The following FAM185A variants were observed in gnomAD, a reference collection of about 807,000 sequenced individuals.
FAM185A encodes family with sequence similarity 185 member A, also known as protein FAM185A.
Under a neutral mutation model 45.7 loss-of-function variants are expected in FAM185A, and 21 were observed. The ratio of observed to expected loss-of-function variants is 0.46; its 90% CI spans 0.33 to 0.66. FAM185A has a LOEUF of 0.66. Ranked by LOEUF, FAM185A falls within the 30% of genes least tolerant of loss-of-function variation. FAM185A has a pLI of 0.03. For synonymous variants in FAM185A, 117 were observed against 194.0 expected, an observed-to-expected ratio of 0.60 and a Z score of 3.30; for missense variants, 305 against 485.4, an observed-to-expected ratio of 0.63 and a Z score of 3.49.
chr7:102,850,105 A>T, the FAM185A span, among the ~76,000 whole-genome samples: 492 of 152,308 alleles, frequency 3.2e-3, 9 homozygotes, highest in African/African-American at 0.012. Context: ...TTTGTAAAAG[A>T]TTAAATTGTT....
chr7:102,814,908 T>C, the FAM185A span, among the ~76,000 whole-genome samples: 1 of 152,216 alleles, frequency 6.6e-6, no homozygotes, highest in Non-Finnish European at 1.5e-5. Flanking sequence ...TATGCAAAAG[T>C]AGTGGGTTTA....
intron 7 of FAM185A, among the ~76,000 whole-genome samples, chr7:102,791,399 C>A (rs1332915799): frequency 6.6e-6 from 1 of 152,238 alleles, no homozygotes; most frequent in Non-Finnish European, 1.5e-5. Context: ...AATAAATAGG[C>A]CTTCAGTAAC....
At position 102,808,369 on chromosome 7, in the gene FAM185A, A is replaced by G. The variant is rs1156645781; in HGVS notation, c.1146A>G (p.Gln382=). ...APKGTVSFRR[Q]SWFQSLKLQD is the part of the protein sequence containing the mutation. ...AAGGCACTGTAAGTTTTAGAAGGCAAAGTTGGTTTCAGTCCCTGAAACTGC... is the reference window on the plus strand; with the variant it reads ...AAGGCACTGTAAGTTTTAGAAGGCAGAGTTGGTTTCAGTCCCTGAAACTGC... The change falls in exon 8 of 8, where the codon CAA becomes CAG. Residue 382 remains glutamine (Q), a synonymous_variant. Transcript: ENST00000413034. 1 of 1,551,574 alleles carries G rather than the reference A, an allele frequency of 6.4e-7. No homozygotes were observed. Among genetic ancestry groups the G allele is most frequent in the Admixed American group, 2.0e-5 (1 of 50,994 alleles).
intron 7 of FAM185A, among the ~76,000 whole-genome samples, chr7:102,788,084 C>G (rs1168698931): frequency 6.6e-6 from 1 of 152,232 alleles, no homozygotes; most frequent in South Asian, 2.1e-4. Flanking sequence ...GTTGCCTCAC[C>G]CTCCTGAGTA....
At chr7:102,839,024 G>A in the FAM185A span, among the ~76,000 whole-genome samples, 1 of 152,224 alleles carries the variant, frequency 6.6e-6, no homozygotes, top group Non-Finnish European at 1.5e-5. Flanking sequence ...CCCTGGAAAC[G>A]GCATGTCTTG....
At chr7:102,812,507 C>A (rs1020792363), downstream of FAM185A, among the ~76,000 whole-genome samples, 1 of 152,080 alleles carries the variant, frequency 6.6e-6, no homozygotes, top group African/African-American at 2.4e-5. Context: ...AGTTAATTGG[C>A]GGCATTTAGT....
intron 4 of FAM185A, among the ~76,000 whole-genome samples, chr7:102,764,884 C>T (rs1429431352): frequency 6.6e-6 from 1 of 151,936 alleles, no homozygotes; most frequent in East Asian, 1.9e-4. Flanking sequence ...AAATATAATG[C>T]AGTAACTTTC....
At chr7:102,749,899 G>A (rs1793256952) in intron 1 of FAM185A, among the ~76,000 whole-genome samples, 1 of 152,166 alleles carries the variant, frequency 6.6e-6, no homozygotes. Flanking sequence ...GTATAATCCA[G>A]GTCAAATTCT....
intron 1 of FAM185A, among the ~76,000 whole-genome samples, chr7:102,750,954 C>T (rs71215107): frequency 2.0e-5 from 3 of 152,174 alleles, no homozygotes. Context: ...CACTCTGCCA[C>T]GCAGGCTGGA....
the FAM185A span, among the ~76,000 whole-genome samples, chr7:102,848,197 C>T: frequency 6.6e-6 from 1 of 152,148 alleles, no homozygotes; most frequent in Admixed American, 6.5e-5. Context: ...AACCTGCTAA[C>T]ACTGAAATAA....
chr7:102,800,021 G>A (rs1201158779), intron 7 of FAM185A, among the ~76,000 whole-genome samples: 1 of 152,098 alleles, frequency 6.6e-6, no homozygotes, highest in East Asian at 1.9e-4. Flanking sequence ...AGAGACACCC[G>A]AAATACTATG....
At chr7:102,753,499 A>G (rs1326574141) in intron 2 of FAM185A, among the ~76,000 whole-genome samples, 2 of 151,980 alleles carry the variant, frequency 1.3e-5, no homozygotes, top group Admixed American at 6.6e-5. Flanking sequence ...GCAGTATAGG[A>G]TATTTAGCAC....
intron 7 of FAM185A, among the ~76,000 whole-genome samples, chr7:102,797,677 A>C (rs1796517405): frequency 6.6e-6 from 1 of 152,112 alleles, no homozygotes; most frequent in Non-Finnish European, 1.5e-5. Flanking sequence ...GTGTCTTTTC[A>C]CATCTTTTGA....
Position 102,751,767 on chromosome 7 carries a change from C to T in FAM185A, c.527C>T (p.Thr176Ile). 1 of 1,551,444 alleles carries T rather than the reference C, an allele frequency of 6.4e-7. No homozygotes were observed. The change falls in exon 2 of 8, where the codon ACA becomes ATA. Residue 176 changes from threonine to isoleucine, a missense_variant. Physicochemically the swap from Thr to Ile is moderately conservative, Grantham distance 89 (BLOSUM62 -1). Transcript: ENST00000413034. The stretch of plus-strand genomic sequence containing the variant: ...GAGGGTGATAATTGCAAAATTGAAA[C>T]AGAGCATGGGACTAGTATCTTGCAG... Reference protein sequence around the residue: ...SIEGDNCKIETEHGTSILQSV... With the variant: ...SIEGDNCKIEIEHGTSILQSV...
intron 6 of FAM185A, among the ~76,000 whole-genome samples, chr7:102,786,232 T>G (rs1162243267): frequency 6.6e-6 from 1 of 152,136 alleles, no homozygotes; most frequent in African/African-American, 2.4e-5. Context: ...CACTGTTGGG[T>G]GGACTGTAAG....
chr7:102,759,801 C>T (rs1307777264), intron 3 of FAM185A, among the ~76,000 whole-genome samples: 2 of 151,958 alleles, frequency 1.3e-5, no homozygotes, highest in African/African-American at 2.4e-5. Context: ...CTTAAAACAA[C>T]GTCTGGCACA....
At chr7:102,797,919 T>C (rs1466243344) in intron 7 of FAM185A, among the ~76,000 whole-genome samples, 1 of 152,232 alleles carries the variant, frequency 6.6e-6, no homozygotes, top group Non-Finnish European at 1.5e-5. Context: ...ACCAAGAAGC[T>C]TGTTAATCCT....
At chr7:102,818,591 C>T in the FAM185A span, among the ~76,000 whole-genome samples, 3 of 152,104 alleles carry the variant, frequency 2.0e-5, no homozygotes, top group Non-Finnish European at 4.4e-5. Context: ...CAACACAGAT[C>T]TCCTAGAATG....
At chr7:102,827,763 G>T in the FAM185A span, among the ~76,000 whole-genome samples, 1 of 152,058 alleles carries the variant, frequency 6.6e-6, no homozygotes, top group Non-Finnish European at 1.5e-5. Flanking sequence ...ACCTATGAGT[G>T]AGAACATGCA....
Sources: allele counts gnomAD v4.1 joint callset (sites outside exome capture counted in the v4.1 genomes callset), GRCh38; gene constraint gnomAD v4.1.1; transcripts MANE v1.5; gene names NCBI Gene and HGNC (gene_info 2026-07-23, HGNC 2026-07-21).